The following GBE1 variants were observed in gnomAD, a reference collection of about 807,000 sequenced individuals.
GBE1 encodes the protein 1,4-alpha-glucan-branching enzyme.
GBE1 carries 70 observed loss-of-function variants against 88.8 expected under a neutral mutation model. The observed-to-expected ratio is 0.79, with a 90% CI of 0.65 to 0.96. GBE1 has a LOEUF of 0.96. GBE1 is among the 40% of genes least tolerant of loss of function. GBE1 has a pLI of 0.00. For missense variants in GBE1, 872 were observed against 871.0 expected (o/e 1.00, Z -0.01); for synonymous variants, 284 against 300.1 (o/e 0.95, Z 0.56).
At chr3:81,607,028 A>G (rs1006497211) in intron 7 of GBE1, among the ~76,000 whole-genome samples, 1 of 152,194 alleles carries the variant, frequency 6.6e-6, no homozygotes, top group African/African-American at 2.4e-5. Context: ...AATGAATGAC[A>G]CATATTGTTC....
At chr3:81,520,911 T>C (rs549783013) in intron 14 of GBE1, among the ~76,000 whole-genome samples, 2 of 151,712 alleles carry the variant, frequency 1.3e-5, no homozygotes, top group South Asian at 2.1e-4. Flanking sequence ...AATTATAAGA[T>C]GTCCTTTGGT....
At chr3:81,613,390 T>A (rs972562530) in intron 7 of GBE1, among the ~76,000 whole-genome samples, 6 of 152,148 alleles carry the variant, frequency 3.9e-5, no homozygotes, top group Non-Finnish European at 5.9e-5. Context: ...TACTGGAATC[T>A]GGAGGGTGCT....
At chr3:81,623,512 T>C (rs1704360904) in intron 7 of GBE1, among the ~76,000 whole-genome samples, 1 of 152,206 alleles carries the variant, frequency 6.6e-6, no homozygotes, top group South Asian at 2.1e-4. Flanking sequence ...CTCACCAAAG[T>C]ATAGGGCTGT....
At chr3:81,558,485 T>C (rs1300720512) in intron 12 of GBE1, among the ~76,000 whole-genome samples, 1 of 152,012 alleles carries the variant, frequency 6.6e-6, no homozygotes, top group Non-Finnish European at 1.5e-5. Flanking sequence ...GGTCAGAAAA[T>C]AGCAAAATGT....
At chr3:81,593,431 A>G (rs1703908506) in intron 8 of GBE1, among the ~76,000 whole-genome samples, 1 of 150,216 alleles carries the variant, frequency 6.7e-6, no homozygotes, top group Admixed American at 6.7e-5. Flanking sequence ...AGGGATTAGT[A>G]TTCTGTGATT....
At chr3:81,670,272 G>A (rs1006284710) in intron 3 of GBE1, among the ~76,000 whole-genome samples, 8 of 152,164 alleles carry the variant, frequency 5.3e-5, no homozygotes, top group African/African-American at 1.9e-4. Flanking sequence ...AGGGAGTGTG[G>A]AGGACGCTCA....
At chr3:81,690,189 G>T (rs1705499921) in intron 2 of GBE1, among the ~76,000 whole-genome samples, 1 of 152,094 alleles carries the variant, frequency 6.6e-6, no homozygotes, top group Non-Finnish European at 1.5e-5. Context: ...AAATAATTGG[G>T]TCCTCCAGAA....
chr3:81,727,385 A>T (rs1706128964), intron 1 of GBE1, among the ~76,000 whole-genome samples: 1 of 152,222 alleles, frequency 6.6e-6, no homozygotes, highest in Non-Finnish European at 1.5e-5. Context: ...AATCCTACAG[A>T]TGAGAATTTG....
chr3:81,739,483 C>G (rs1706317841), intron 1 of GBE1, among the ~76,000 whole-genome samples: 1 of 152,082 alleles, frequency 6.6e-6, no homozygotes, highest in African/African-American at 2.4e-5. Context: ...TCCAACTAGC[C>G]AGTAAATTAC....
intron 2 of GBE1, among the ~76,000 whole-genome samples, chr3:81,688,775 T>C (rs1442473070): frequency 1.3e-5 from 2 of 151,682 alleles, no homozygotes; most frequent in Non-Finnish European, 1.5e-5. Flanking sequence ...ATGAATGTAT[T>C]TACTTGTATT....
intron 14 of GBE1, among the ~76,000 whole-genome samples, chr3:81,531,775 A>G (rs773235457): frequency 3.9e-5 from 6 of 152,058 alleles, no homozygotes; most frequent in Non-Finnish European, 8.8e-5. Context: ...TAAGCCCAGT[A>G]CAACACCAGG....
intron 14 of GBE1, among the ~76,000 whole-genome samples, chr3:81,501,432 C>T (rs1164783842): frequency 1.3e-5 from 2 of 152,064 alleles, no homozygotes; most frequent in Non-Finnish European, 2.9e-5. Context: ...GATCAAAGAG[C>T]TCTTTCTCCA....
chr3:81,598,394 T>C (rs987983638), intron 7 of GBE1, among the ~76,000 whole-genome samples: 1 of 43,996 alleles, frequency 2.3e-5, no homozygotes, highest in Non-Finnish European at 4.2e-5. Context: ...ATGAGAAAGG[T>C]ATAGAATGCC....
chr3:81,749,461 TG>T (rs1307589323), intron 1 of GBE1, among the ~76,000 whole-genome samples: 2 of 148,958 alleles, frequency 1.3e-5, no homozygotes, highest in East Asian at 3.9e-4. Context: ...TAGGGATGGG[TG>T]GGGGAGGGGC....
chr3:81,675,517 T>G (rs1036106703), intron 2 of GBE1, among the ~76,000 whole-genome samples: 2 of 152,090 alleles, frequency 1.3e-5, no homozygotes, highest in Non-Finnish European at 2.9e-5. Flanking sequence ...CTATTATTAG[T>G]GTCTACAGAT....
At position 81,622,983 on chromosome 3, in the gene GBE1, C is replaced by T. The variant is rs150776301; in HGVS notation, c.992+19798G>A. ...ATCTTAAATCTGCCCACCAGTTCTACATCTGCTCAACATCTCTCTTCCTTC... is the reference window on the plus strand; with the variant it reads ...ATCTTAAATCTGCCCACCAGTTCTATATCTGCTCAACATCTCTCTTCCTTC... On this transcript the variant is annotated intron_variant, in intron 7 of 15. Transcript: ENST00000429644. Among the ~76,000 whole-genome samples, 3 of 152,298 alleles carry T rather than the reference C, an allele frequency of 2.0e-5. No homozygotes were observed. The East Asian group carries it at 5.8e-4, about 29-fold the overall frequency.
intron 11 of GBE1, among the ~76,000 whole-genome samples, chr3:81,579,823 T>A (rs1461060049): frequency 2.0e-5 from 3 of 152,268 alleles, no homozygotes; most frequent in Non-Finnish European, 4.4e-5. Context: ...AAATTTAACA[T>A]GAGTTTACTT....
chr3:81,666,379 T>C (rs1235728648), intron 3 of GBE1, among the ~76,000 whole-genome samples: 12 of 152,226 alleles, frequency 7.9e-5, no homozygotes, highest in Non-Finnish European at 7.3e-5. Flanking sequence ...ACAGACATTA[T>C]GAATCATGTT....
intron 1 of GBE1, among the ~76,000 whole-genome samples, chr3:81,740,316 C>T (rs529483746): frequency 6.6e-6 from 1 of 151,986 alleles, no homozygotes; most frequent in East Asian, 1.9e-4. Flanking sequence ...GTCTAATTCA[C>T]ACCTGAATTT....
Sources: allele counts gnomAD v4.1 joint callset (sites outside exome capture counted in the v4.1 genomes callset), GRCh38; gene constraint gnomAD v4.1.1; transcripts MANE v1.5; gene names NCBI Gene and HGNC (gene_info 2026-07-23, HGNC 2026-07-21).